The following PTPRR variants were observed in gnomAD, a reference collection of about 807,000 sequenced individuals.
PTPRR encodes protein tyrosine phosphatase receptor type R.
Under a neutral mutation model 77.2 loss-of-function variants are expected in PTPRR, and 38 were observed. That is an observed-to-expected ratio of 0.49 (90% CI 0.38 to 0.65). The LOEUF (loss-of-function observed/expected upper bound fraction) is 0.65, where lower values mean the gene tolerates loss of function less well. Ranked by LOEUF, PTPRR falls within the 30% of genes least tolerant of loss-of-function variation. The pLI is 0.00. For missense variants in PTPRR, 744 were observed against 799.2 expected (o/e 0.93, Z 0.83); for synonymous variants, 299 against 283.1 (o/e 1.06, Z -0.57).
chr12:70,648,220 A>C (rs1289174750), intron 13 of PTPRR, among the ~76,000 whole-genome samples: 1 of 152,156 alleles, frequency 6.6e-6, no homozygotes, highest in African/African-American at 2.4e-5. Context: ...TGGGCAATAT[A>C]TTCCTGAGGC....
chr12:70,678,958 A>C (rs996928252), intron 10 of PTPRR, among the ~76,000 whole-genome samples: 1 of 152,192 alleles, frequency 6.6e-6, no homozygotes, highest in South Asian at 2.1e-4. Flanking sequence ...CTGGGATTAC[A>C]AGCGTAAGCC....
chr12:70,852,965 T>A (rs1046669722), intron 2 of PTPRR, among the ~76,000 whole-genome samples: 1 of 152,152 alleles, frequency 6.6e-6, no homozygotes, highest in African/African-American at 2.4e-5. Context: ...TCATGGGAGA[T>A]TACCGTGGCA....
chr12:70,707,455 T>C (rs1888660043), intron 6 of PTPRR, among the ~76,000 whole-genome samples: 1 of 152,136 alleles, frequency 6.6e-6, no homozygotes, highest in Non-Finnish European at 1.5e-5. Context: ...TTTCATGTCC[T>C]CAAATTTTTT....
At chr12:70,755,490 T>G (rs1187645052) in intron 4 of PTPRR, among the ~76,000 whole-genome samples, 1 of 152,196 alleles carries the variant, frequency 6.6e-6, no homozygotes, top group South Asian at 2.1e-4. Context: ...CAAGTGTGTT[T>G]TGGTGGGAAG....
At chr12:70,808,660 T>C (rs1891754298) in intron 2 of PTPRR, among the ~76,000 whole-genome samples, 1 of 152,190 alleles carries the variant, frequency 6.6e-6, no homozygotes, top group East Asian at 1.9e-4. Context: ...ATAAAGGTCC[T>C]CTATGAATGA....
intron 3 of PTPRR, among the ~76,000 whole-genome samples, chr12:70,762,294 T>TACACACAC (rs147039273): frequency 6.7e-6 from 1 of 149,360 alleles, no homozygotes; most frequent in Non-Finnish European, 1.5e-5. Context: ...TACACACACA[T>TACACACAC]ACACACACAC....
At chr12:70,662,063 C>T (rs1005743647) in intron 11 of PTPRR, among the ~76,000 whole-genome samples, 17 of 152,152 alleles carry the variant, frequency 1.1e-4, no homozygotes, top group African/African-American at 4.1e-4. Context: ...ATCTCATCAA[C>T]ACTTCAGGCT....
At position 70,745,814 on chromosome 12, in the gene PTPRR, T is replaced by C. The variant is rs1890193624; in HGVS notation, c.1007+4A>G. ...CACGTAGGGTATACAGAACAAGCTC[T>C]TACCTCTCTTGAAGTCCTATGGGCT... On this transcript the variant is annotated splice_donor_region_variant and intron_variant, in intron 6 of 13. Coordinates refer to ENST00000283228, the MANE Select transcript of PTPRR (RefSeq NM_002849.4). 1 of 1,613,722 alleles carries C rather than the reference T, an allele frequency of 6.2e-7. No individual in the cohort carries two copies. The highest frequency in any genetic ancestry group is 8.5e-7 in the Non-Finnish European group (1 of 1,179,920).
chr12:70,881,784 A>G (rs1008361274), intron 2 of PTPRR, among the ~76,000 whole-genome samples: 8 of 152,228 alleles, frequency 5.3e-5, no homozygotes, highest in Admixed American at 2.0e-4. Flanking sequence ...ATAAATAGCT[A>G]TGGTGACAAC....
At chr12:70,640,105 G>C (rs1479383778) in intron 13 of PTPRR, among the ~76,000 whole-genome samples, 2 of 152,092 alleles carry the variant, frequency 1.3e-5, no homozygotes, top group Non-Finnish European at 2.9e-5. Context: ...AGAAATAACG[G>C]TGCTTCTCAT....
At chr12:70,698,377 T>C in intron 7 of PTPRR, 28 bp from the exon 8 acceptor site, 2 of 1,577,942 alleles carry the variant, frequency 1.3e-6, no homozygotes, top group East Asian at 2.2e-5. Context: ...ATCAAATTAG[T>C]GTATCTAATA....
At chr12:70,831,096 A>G (rs935387779) in intron 2 of PTPRR, among the ~76,000 whole-genome samples, 1 of 152,240 alleles carries the variant, frequency 6.6e-6, no homozygotes, top group Non-Finnish European at 1.5e-5. Flanking sequence ...ACTGTGGCAC[A>G]GAGAGCTTAC....
intron 6 of PTPRR, among the ~76,000 whole-genome samples, chr12:70,701,814 C>T (rs1441579189): frequency 7.3e-5 from 11 of 151,724 alleles, no homozygotes; most frequent in Admixed American, 7.2e-4. Flanking sequence ...CTCTACAAAA[C>T]ATACAAAAAG....
In PTPRR at chr12:70,891,316, T is replaced by C. The variant is rs1893332212; in HGVS notation, c.357+1363A>G. Among the ~76,000 whole-genome samples the C allele has an allele frequency of 3.9e-5, 6 of 152,118 alleles. No homozygotes were observed. In the South Asian group the frequency reaches 1.2e-3, roughly 32 times the overall value. ...CTGTAATTCACAGTGACTTTAAGAG[T>C]TGATGACTATGGGTATATGATGGTC... On this transcript the variant is annotated intron_variant, in intron 2 of 13. Transcript: ENST00000283228.
At chr12:70,685,749 T>C (rs912380466) in intron 8 of PTPRR, among the ~76,000 whole-genome samples, 1 of 152,230 alleles carries the variant, frequency 6.6e-6, no homozygotes, top group Non-Finnish European at 1.5e-5. Flanking sequence ...ATACATTTAT[T>C]GTTTATTAGA....
intron 13 of PTPRR, among the ~76,000 whole-genome samples, chr12:70,648,581 C>T (rs2136649492): frequency 6.6e-6 from 1 of 152,274 alleles, no homozygotes; most frequent in Middle Eastern, 3.4e-3. Context: ...TTGGAGATCA[C>T]TGTTACGCCC....
chr12:70,881,641 T>A (rs1893151021), intron 2 of PTPRR, among the ~76,000 whole-genome samples: 1 of 152,232 alleles, frequency 6.6e-6, no homozygotes, highest in South Asian at 2.1e-4. Context: ...GGTCCAAATA[T>A]GTCACCTAGT....
chr12:70,675,103 G>T (rs1407841449), intron 10 of PTPRR, among the ~76,000 whole-genome samples: 1 of 151,858 alleles, frequency 6.6e-6, no homozygotes, highest in Non-Finnish European at 1.5e-5. Context: ...ATATTCTTTT[G>T]AGAATTATTC....
intron 2 of PTPRR, among the ~76,000 whole-genome samples, chr12:70,889,618 G>T (rs1223841122): frequency 6.6e-6 from 1 of 152,038 alleles, no homozygotes; most frequent in Non-Finnish European, 1.5e-5. Flanking sequence ...AGGATTCTAG[G>T]ATCTCAAGGA....
Sources: gnomAD v4.1 joint callset for allele counts (sites outside exome capture counted in the v4.1 genomes callset) on GRCh38, gnomAD v4.1.1 for gene constraint, MANE v1.5 for transcripts, NCBI Gene and HGNC (gene_info 2026-07-23, HGNC 2026-07-21) for gene names.